SLC5A10: variants seen among roughly 807,000 people sequenced by gnomAD.
SLC5A10 encodes sodium/mannose cotransporter SLC5A10.
SLC5A10 carries 55 observed loss-of-function variants against 68.9 expected under a neutral mutation model. That is an observed-to-expected ratio of 0.80 (90% CI 0.64 to 1.00). SLC5A10 has a LOEUF of 1.00. SLC5A10 is among the 50% of genes least tolerant of loss of function. SLC5A10 has a pLI of 0.00. For synonymous variants in SLC5A10, 344 were observed against 344.8 expected, an observed-to-expected ratio of 1.00 and a Z score of 0.02; for missense variants, 732 against 819.3, an observed-to-expected ratio of 0.89 and a Z score of 1.30.
chr17:18,983,073 G>T (rs2043178764), intron 9 of SLC5A10, among the ~76,000 whole-genome samples: 1 of 152,236 alleles, frequency 6.6e-6, no homozygotes, highest in Non-Finnish European at 1.5e-5. Flanking sequence ...ATCCAGGAGG[G>T]ATGGACTGCC....
At chr17:19,009,407 G>C (rs1280393427) in intron 9 of SLC5A10, among the ~76,000 whole-genome samples, 2 of 151,410 alleles carry the variant, frequency 1.3e-5, no homozygotes, top group African/African-American at 4.9e-5. Flanking sequence ...GTTTAATTGA[G>C]ATGGGGTCTC....
intron 8 of SLC5A10, among the ~76,000 whole-genome samples, chr17:18,975,365 G>A (rs989582433): frequency 2.6e-5 from 4 of 152,154 alleles, no homozygotes; most frequent in South Asian, 2.1e-4. Flanking sequence ...GGAGCCGTCC[G>A]TTAAACTAGC....
intron 5 of SLC5A10, among the ~76,000 whole-genome samples, chr17:18,965,507 G>T (rs967187266): frequency 7.2e-5 from 11 of 152,240 alleles, no homozygotes; most frequent in Admixed American, 7.2e-4. Flanking sequence ...AGAGTACCAG[G>T]GCCGGTTCCC....
chr17:19,016,341 C>T (rs57046835), intron 11 of SLC5A10, among the ~76,000 whole-genome samples: 17,017 of 152,168 alleles, frequency 0.11, 2,028 homozygotes, highest in East Asian at 0.34. Context: ...CCCAGCCCAT[C>T]CTATCACTCT....
chr17:19,018,538 T>A lies in SLC5A10; in HGVS notation c.1242-885T>A, dbSNP rs1394267323. ...GTCCCACTCATCGCCGAGTTGGGGA[T>A]CCTAGGGTAGTGTCCTACGCAGGTG... On this transcript the variant is annotated intron_variant, in intron 11 of 14. Coordinates refer to ENST00000395645, the MANE Select transcript of SLC5A10 (RefSeq NM_001042450.4). This position sits in a 1 kb window ranked among gnomAD's most constrained non-coding sequence, Gnocchi z 4.2. 1.3e-5 allele frequency: 2 copies of A among 152,282 alleles called. No homozygotes were observed. The highest frequency in any genetic ancestry group is 2.9e-5 in the Non-Finnish European group (2 of 68,092). 9.4% of individuals were successfully genotyped at this position (152,282 alleles called of 1,614,324 possible). A position where few individuals can be genotyped will look rare whatever the true frequency, so the allele number is the denominator to read the frequency against.
intron 1 of SLC5A10, among the ~76,000 whole-genome samples, chr17:18,956,101 G>T (rs1260945796): frequency 6.6e-6 from 1 of 152,098 alleles, no homozygotes; most frequent in Admixed American, 6.6e-5. Context: ...GGCTGAGGCA[G>T]GAGAATCGCT....
chr17:18,979,429 G>A (rs767175500), intron 9 of SLC5A10: 21 of 1,268,228 alleles, frequency 1.7e-5, no homozygotes, highest in East Asian at 5.1e-5. Context: ...CCAGCCCTGC[G>A]CACACCTCAG....
At position 18,952,742 on chromosome 17, in the gene SLC5A10, G is replaced by C. The variant is rs1427558635; in HGVS notation, c.111+426G>C. On this transcript the variant is annotated intron_variant, in intron 1 of 14. Transcript: ENST00000395645. ...GGAGGCAGGGAGGGCCCTGGGAACT[G>C]GGGGTCTTTATTTTGAACAAGCTCC... 2.0e-5 allele frequency among the ~76,000 whole-genome samples: 3 copies of C among 152,096 alleles called. No individual in the cohort carries two copies. In the East Asian group the frequency reaches 5.8e-4, roughly 29 times the overall value.
intron 9 of SLC5A10, among the ~76,000 whole-genome samples, chr17:19,012,738 C>A (rs1160129293): frequency 6.6e-6 from 1 of 152,168 alleles, no homozygotes; most frequent in East Asian, 1.9e-4. Context: ...GCTGGAGAGT[C>A]CTGGGCATCA....
At chr17:18,981,688 C>T (rs939111694) in intron 9 of SLC5A10, among the ~76,000 whole-genome samples, 1 of 152,172 alleles carries the variant, frequency 6.6e-6, no homozygotes, top group Non-Finnish European at 1.5e-5. Context: ...CTGATGCCCA[C>T]CTGTGGGATA....
intron 9 of SLC5A10, among the ~76,000 whole-genome samples, chr17:18,995,724 A>C (rs982104409): frequency 2.0e-5 from 3 of 152,166 alleles, no homozygotes; most frequent in Non-Finnish European, 2.9e-5. Flanking sequence ...CCTGGCCAAC[A>C]TGGCAAAACC....
At chr17:19,020,110 C>A (rs750330213) in intron 13 of SLC5A10, 45 bp from the exon 14 acceptor site, 4 of 1,246,530 alleles carry the variant, frequency 3.2e-6, no homozygotes, top group African/African-American at 1.5e-5. Flanking sequence ...CACCCCCACC[C>A]TGCCATCCCC....
At chr17:18,967,518 T>C (rs113210565) in intron 5 of SLC5A10, among the ~76,000 whole-genome samples, 61 of 152,268 alleles carry the variant, frequency 4.0e-4, no homozygotes, top group African/African-American at 1.4e-3. Flanking sequence ...GTGCTGGGCA[T>C]GGGATGAAGG....
rs756474448 is a variant in SLC5A10, at chr17:18,959,257, G to T, written c.288+18G>T. 11 of 1,610,106 alleles carry T rather than the reference G, an allele frequency of 6.8e-6. No homozygotes were observed. Among genetic ancestry groups the T allele is most frequent in the Admixed American group, 1.7e-5 (1 of 59,986 alleles). The stretch of plus-strand genomic sequence containing the variant: ...AGTGGAATGTGAGTCCTGGAGGACT[G>T]GCGGCCTGTGGGAGGGCCAGGGCAC... On this transcript the variant is annotated intron_variant, in intron 3 of 14. Coordinates refer to ENST00000395645, the MANE Select transcript of SLC5A10 (RefSeq NM_001042450.4).
At chr17:19,014,202 T>C (rs1233728223) in intron 10 of SLC5A10, among the ~76,000 whole-genome samples, 1 of 152,098 alleles carries the variant, frequency 6.6e-6, no homozygotes, top group Non-Finnish European at 1.5e-5. Context: ...TGCTTAAAAT[T>C]GCAGGAGTTC....
chr17:18,996,256 G>A lies in SLC5A10; in HGVS notation c.983-17154G>A, dbSNP rs1348301262. Among the ~76,000 whole-genome samples the A allele has an allele frequency of 2.0e-5, 3 of 151,868 alleles. No individual in the cohort carries two copies. Among genetic ancestry groups the A allele is most frequent in the Admixed American group, 6.6e-5 (1 of 15,248 alleles). On this transcript the variant is annotated intron_variant, in intron 9 of 14. Coordinates refer to ENST00000395645, the MANE Select transcript of SLC5A10 (RefSeq NM_001042450.4). The surrounding 1 kb of genome is among the most constrained non-coding windows in gnomAD (Gnocchi z 4.4). ...GAGAGAATTCATTACCAGCAGACCC[G>A]CACTCCCTCCTCCAGCTGCAACCCC...
chr17:18,969,245 C>A, intron 6 of SLC5A10, 88 bp downstream of exon 6: 2 of 1,577,066 alleles, frequency 1.3e-6, no homozygotes, highest in South Asian at 1.1e-5. Flanking sequence ...AGGGAGCAGC[C>A]CAGGAAGTGG....
chr17:18,977,099 C>A, intron 9 of SLC5A10, 110 bp downstream of exon 9: 1 of 1,472,716 alleles, frequency 6.8e-7, no homozygotes, highest in South Asian at 1.3e-5. Context: ...GTGAACTGTT[C>A]CCCAACCTGG....
intron 9 of SLC5A10, chr17:18,978,862 G>A: frequency 6.2e-7 from 1 of 1,610,258 alleles, no homozygotes; most frequent in East Asian, 2.2e-5. Context: ...TGCAACAGAG[G>A]GAGGGGGCGC....
Sources: gnomAD v4.1 joint callset for allele counts (sites outside exome capture counted in the v4.1 genomes callset) on GRCh38, gnomAD v4.1.1 for gene constraint, Gnocchi (gnomAD v3.1) non-coding constraint, MANE v1.5 for transcripts, NCBI Gene and HGNC (gene_info 2026-07-23, HGNC 2026-07-21) for gene names.